Variants in PHTF1 observed in about 807,000 individuals in gnomAD.
The protein encoded by PHTF1 is protein PHTF1.
In PHTF1, 88 loss-of-function variants were observed where a neutral mutation model predicts 102.4. That is an observed-to-expected ratio of 0.86 (90% confidence interval 0.72 to 1.03). The LOEUF (loss-of-function observed/expected upper bound fraction) is 1.03, where lower values mean the gene tolerates loss of function less well. Ranked by LOEUF, PHTF1 falls within the 50% of genes least tolerant of loss-of-function variation. The pLI, the probability that PHTF1 is intolerant of heterozygous loss-of-function variation, is 0.00. For missense variants in PHTF1, 814 were observed against 909.5 expected (o/e 0.89, Z 1.35); for synonymous variants, 289 against 305.2 (o/e 0.95, Z 0.55).
At chr1:113,699,885 T>C (rs781632383) in intron 16 of PHTF1, 86 bp from the exon 17 acceptor site, 250 of 707,252 alleles carry the variant, frequency 3.5e-4, no homozygotes, top group Non-Finnish European at 5.0e-4. Flanking sequence ...AAAGGTCATG[T>C]TTTCAAGTAA....
At chr1:113,705,619 T>C (rs754347430) in intron 13 of PHTF1, 1 of 308,006 alleles carries the variant, frequency 3.2e-6, no homozygotes, top group Admixed American at 5.0e-5. Flanking sequence ...AAAGGGACAC[T>C]GAGGTGCAGA....
chr1:113,698,558 C>G (rs1393555410), intron 17 of PHTF1, among the ~76,000 whole-genome samples, 171 bp from the exon 18 acceptor site: 4 of 151,252 alleles, frequency 2.6e-5, no homozygotes, highest in African/African-American at 9.7e-5. Context: ...TACTTTTCTA[C>G]TAACTAAGAT....
At chr1:113,749,357 G>C (rs542617630) in intron 3 of PHTF1, among the ~76,000 whole-genome samples, 1 of 152,286 alleles carries the variant, frequency 6.6e-6, no homozygotes, top group South Asian at 2.1e-4. Flanking sequence ...TCACTATAGA[G>C]GCGTGGCCAG....
In PHTF1 at chr1:113,699,255, C is replaced by T. The variant is rs774174637; in HGVS notation, c.2142+449G>A. ...GAGTGTGAGGCTTGCTAATCTTGTT[C>T]CCCCAGTAGTCTCCTCACACAGGGA... On this transcript the variant is annotated intron_variant, in intron 17 of 18. Coordinates refer to ENST00000369604, the MANE Select transcript of PHTF1 (RefSeq NM_001323043.2). The T allele has an allele frequency of 8.2e-5, 19 of 232,142 alleles. No individual in the cohort carries two copies. In the Middle Eastern group the frequency reaches 4.6e-3, roughly 56 times the overall value. 14.4% of individuals were successfully genotyped at this position (232,142 alleles called of 1,614,324 possible). A position where few individuals can be genotyped will look rare whatever the true frequency, so the allele number is the denominator to read the frequency against.
chr1:113,745,095 A>G lies in PHTF1; in HGVS notation c.103-6296T>C, dbSNP rs1657025633. 3.9e-5 allele frequency among the ~76,000 whole-genome samples: 6 copies of G among 152,190 alleles called. No individual in the cohort carries two copies. The South Asian group carries it at 1.2e-3, about 32-fold the overall frequency. Reference sequence around the variant, plus strand: ...ATGAGAGGACCCAGGAATAAGAGATAGCATGGTAAAAACTAAAGTAAGTTT... The same window carrying G: ...ATGAGAGGACCCAGGAATAAGAGATGGCATGGTAAAAACTAAAGTAAGTTT... On this transcript the variant is annotated intron_variant, in intron 3 of 18. Transcript: ENST00000369604.
At chr1:113,740,410 A>G (rs1368308171) in intron 3 of PHTF1, among the ~76,000 whole-genome samples, 1 of 151,984 alleles carries the variant, frequency 6.6e-6, no homozygotes, top group Non-Finnish European at 1.5e-5. Flanking sequence ...ACCCATTTTA[A>G]AATTGAAGTA....
chr1:113,724,970 T>C, intron 6 of PHTF1, 77 bp from the exon 7 acceptor site: 2 of 985,594 alleles, frequency 2.0e-6, no homozygotes, highest in Non-Finnish European at 3.0e-6. Context: ...CTACAGAAAA[T>C]TATACTGACA....
intron 18 of PHTF1, among the ~76,000 whole-genome samples, 192 bp from the exon 19 acceptor site, chr1:113,697,917 G>C (rs527423722): frequency 7.2e-5 from 11 of 152,294 alleles, no homozygotes; most frequent in Non-Finnish European, 1.3e-4. Flanking sequence ...ATACAATGCA[G>C]TTCATGTACT....
At chr1:113,710,009 G>A (rs1650806254) in intron 11 of PHTF1, among the ~76,000 whole-genome samples, 1 of 152,036 alleles carries the variant, frequency 6.6e-6, no homozygotes, top group Non-Finnish European at 1.5e-5. Flanking sequence ...CCATTCTAAG[G>A]AAAATAATAA....
chr1:113,758,916 C>A, intron 1 of PHTF1, 107 bp downstream of exon 1: 3 of 1,212,466 alleles, frequency 2.5e-6, no homozygotes, highest in Non-Finnish European at 2.1e-6. Flanking sequence ...GGAGAAGCCT[C>A]TGCAATATAT....
chr1:113,746,660 C>A (rs758086761), intron 3 of PHTF1, among the ~76,000 whole-genome samples: 1 of 152,034 alleles, frequency 6.6e-6, no homozygotes, highest in African/African-American at 2.4e-5. Flanking sequence ...AGCCAATATA[C>A]GTAAATACTC....
intron 7 of PHTF1, among the ~76,000 whole-genome samples, chr1:113,720,998 T>C (rs1005277337): frequency 1.3e-5 from 2 of 152,222 alleles, no homozygotes; most frequent in East Asian, 3.9e-4. Context: ...CCCAGCTACA[T>C]GGGGGACTCA....
chr1:113,758,980 G>A (rs1404054465), intron 1 of PHTF1, 43 bp downstream of exon 1: 43 of 1,099,680 alleles, frequency 3.9e-5, no homozygotes, highest in Admixed American at 5.1e-5. Context: ...CGCTGGAGTC[G>A]CCCGGCACCC....
chr1:113,713,662 G>A (rs1651519811), intron 7 of PHTF1: 1 of 466,934 alleles, frequency 2.1e-6, no homozygotes, highest in African/African-American at 2.0e-5. Context: ...TCAATTAACT[G>A]AAAGGAAGCA....
At chr1:113,729,378 T>C (rs1191829386) in intron 5 of PHTF1, among the ~76,000 whole-genome samples, 1 of 152,166 alleles carries the variant, frequency 6.6e-6, no homozygotes, top group Non-Finnish European at 1.5e-5. Context: ...AATTTAATTG[T>C]ACATTTAAAA....
At chr1:113,706,851 C>CTTTTTTTTT (rs11363653) in intron 11 of PHTF1, 129 bp from the exon 12 acceptor site, 106 of 217,640 alleles carry the variant, frequency 4.9e-4, no homozygotes, top group East Asian at 6.0e-4. Flanking sequence ...TTCTTTCTTT[C>CTTTTTTTTT]TTTTTTTTTT....
chr1:113,716,255 AAT>A (rs1652009224), intron 7 of PHTF1, among the ~76,000 whole-genome samples: 1 of 152,170 alleles, frequency 6.6e-6, no homozygotes, highest in African/African-American at 2.4e-5. Flanking sequence ...AAGATACTCC[AAT>A]ATTTCTGGCA....
chr1:113,729,576 T>C (rs1654336030), intron 5 of PHTF1, among the ~76,000 whole-genome samples: 1 of 152,158 alleles, frequency 6.6e-6, no homozygotes, highest in Non-Finnish European at 1.5e-5. Flanking sequence ...AAGAATTTGA[T>C]TGGCATTTGA....
In PHTF1 at chr1:113,712,063, T is replaced by C; in HGVS notation, c.834A>G (p.Glu278=). 2 of 1,614,076 alleles carry C rather than the reference T, an allele frequency of 1.2e-6. No homozygotes were observed. Among genetic ancestry groups the C allele is most frequent in the Non-Finnish European group, 1.7e-6 (2 of 1,179,960 alleles). Residue 278 remains glutamate, a synonymous_variant, in exon 9 of 19, where the codon GAA becomes GAG. Coordinates refer to ENST00000369604, the MANE Select transcript of PHTF1 (RefSeq NM_001323043.2). ...GNGVSDDLSS[E]EDGEARTQMI... is the part of the protein sequence containing the mutation. ...TCTGTGTCCGTGCTTCACCATCTTC[T>C]TCACTTGACAGGTCATCAGACACCC...
Sources: allele counts gnomAD v4.1 joint callset (sites outside exome capture counted in the v4.1 genomes callset), GRCh38; gene constraint gnomAD v4.1.1; transcripts MANE v1.5; gene names NCBI Gene and HGNC (gene_info 2026-07-23, HGNC 2026-07-21).